IRF7: variants seen among roughly 807,000 people sequenced by gnomAD.
IRF7 encodes the protein interferon regulatory factor-7H.
In IRF7, 67 loss-of-function variants were observed where a neutral mutation model predicts 51.3. The observed-to-expected ratio is 1.31, with a 90% CI of 1.07 to 1.60. IRF7 has a LOEUF of 1.60. IRF7 is among the 40% of genes most tolerant of loss of function. IRF7 has a pLI of 0.00. For missense variants in IRF7, 873 were observed against 701.5 expected, an observed-to-expected ratio of 1.24 and a Z score of -2.76; for synonymous variants, 427 against 301.3, an observed-to-expected ratio of 1.42 and a Z score of -4.32.
Position 614,234 on chromosome 11 carries a change from G to A in IRF7, c.619C>T (p.Pro207Ser). 1.9e-6 allele frequency: 3 copies of A among 1,612,996 alleles called. No individual in the cohort carries two copies. Among genetic ancestry groups the A allele is most frequent in the Non-Finnish European group, 2.5e-6 (3 of 1,179,922 alleles). ...LTASWGADPV[P>S]TKAPGEGQEG... Reference sequence around the variant, plus strand: ...TGTCCCTCTCCAGGAGCCTTGGTTGGGACTGGATCTGCCCCCCATGACGCT... The same window carrying A: ...TGTCCCTCTCCAGGAGCCTTGGTTGAGACTGGATCTGCCCCCCATGACGCT... The change falls in exon 6 of 11, where the codon CCA becomes TCA. Residue 207 changes from proline to serine, a missense_variant. Pro to Ser is a moderately conservative substitution (Grantham distance 74, BLOSUM62 -1). Coordinates refer to ENST00000525445, the MANE Select transcript of IRF7 (RefSeq NM_001572.5).
Position 613,805 on chromosome 11 carries a change from C to A in IRF7, c.827G>T (p.Ser276Ile). Residue 276 changes from serine (S) to isoleucine (I), a missense_variant, in exon 8 of 11, where the codon AGC (serine) becomes ATC (isoleucine). By Grantham distance (142) the Ser-to-Ile change is moderately radical (BLOSUM62 -2). Transcript: ENST00000525445. ...CTCACCTTGCACCGCGGTGCAGGCGCTTGGGGAGGGTGACAGGTACGGCTC... is the reference window on the plus strand; with the variant it reads ...CTCACCTTGCACCGCGGTGCAGGCGATTGGGGAGGGTGACAGGTACGGCTC... ...QAEPYLSPSP[S>I]ACTAVQEPSP... 1.3e-6 allele frequency: 2 copies of A among 1,574,286 alleles called. No homozygotes were observed. The highest frequency in any genetic ancestry group is 1.7e-6 in the Non-Finnish European group (2 of 1,168,010).
chr11:614,984 C>G lies in IRF7; in HGVS notation c.207G>C (p.Arg69Ser). 1.3e-6 allele frequency: 2 copies of G among 1,547,478 alleles called. No individual in the cohort carries two copies. Among genetic ancestry groups the G allele is most frequent in the Non-Finnish European group, 1.7e-6 (2 of 1,151,856 alleles). The change falls in exon 4 of 11, where the codon AGG becomes AGC. Residue 69 changes from arginine (R) to serine (S), a missense_variant. Arg to Ser is a moderately radical substitution (Grantham distance 110, BLOSUM62 -1). Coordinates refer to ENST00000525445, the MANE Select transcript of IRF7 (RefSeq NM_001572.5). ...IFKAWAVARG[R>S]WPPSSRGGGP... is the part of the protein sequence containing the mutation. The stretch of plus-strand genomic sequence containing the variant: ...CACCTCCCCTGCTGCTAGGCGGCCA[C>G]CTGCCGCGGGCCACAGCCCAGGCCT...
rs1053384001 is a variant in IRF7 at position 615,441 on chromosome 11, G to A, written c.-77C>T. 28 of 1,426,640 alleles carry A rather than the reference G, an allele frequency of 2.0e-5. No individual in the cohort carries two copies. The highest frequency in any genetic ancestry group is 1.6e-4 in the African/African-American group (11 of 69,544). 88.4% of individuals were successfully genotyped at this position (1,426,640 alleles called of 1,614,324 possible). On this transcript the variant is annotated 5_prime_UTR_variant, in exon 2 of 11. Coordinates refer to ENST00000525445, the MANE Select transcript of IRF7 (RefSeq NM_001572.5). ...GGTAAGGGCTCCTGTCGCAGCAGAC[G>A]CCAGGCCGCGGCCACAGGTCGTGTG... is the stretch of plus-strand genomic sequence containing the variant.
Position 615,621 on chromosome 11 carries a change from G to C in IRF7, c.-257C>G. The C allele has an allele frequency of 2.3e-6, 1 of 429,528 alleles. No homozygotes were observed. The highest frequency in any genetic ancestry group is 4.1e-6 in the Non-Finnish European group (1 of 244,350). The allele number at this position is 429,528 out of a possible 1,614,324, so 26.6% of individuals were successfully genotyped here. A position where few individuals can be genotyped will look rare whatever the true frequency, so the allele number is the denominator to read the frequency against. On this transcript the variant is annotated 5_prime_UTR_variant, in exon 2 of 11. Coordinates refer to ENST00000525445, the MANE Select transcript of IRF7 (RefSeq NM_001572.5). ...TCACAGGTGTTGAACCAGTGTCCAGGCCTGGCGGGAAGGCGCAGGCCGGAC... is the reference window on the plus strand; with the variant it reads ...TCACAGGTGTTGAACCAGTGTCCAGCCCTGGCGGGAAGGCGCAGGCCGGAC...
rs762132411 is a variant in IRF7, at chr11:612,757, C to A, written c.1400G>T (p.Arg467Leu). Residue 467 changes from arginine to leucine, a missense_variant, in exon 11 of 11, where the codon CGT (arginine) becomes CTT (leucine). Coordinates refer to ENST00000525445, the MANE Select transcript of IRF7 (RefSeq NM_001572.5). ...GCTATCCAGGGAAGACACACCCTCA[C>A]GCTGCGTGCCCTCTAGGTGCACTCG... ...LCRVHLEGTQ[R>L]EGVSSLDSSS... is the part of the protein sequence containing the mutation. 38 of 1,612,268 alleles carry A rather than the reference C, an allele frequency of 2.4e-5. No individual in the cohort carries two copies. Among genetic ancestry groups the A allele is most frequent in the Middle Eastern group, 1.7e-4 (1 of 6,040 alleles).
Position 615,364 on chromosome 11 carries a change from T to TA in IRF7, c.-1_1insT. On this transcript the variant is annotated 5_prime_UTR_variant, in exon 2 of 11. Coordinates refer to ENST00000525445, the MANE Select transcript of IRF7 (RefSeq NM_001572.5). ...TCTTACCTCTCAGGAGCCAAGGCCA[T>TA]TGCTCCTTCTGCAGGGGCAGTTAGG... The TA allele has an allele frequency of 2.7e-6, 4 of 1,506,782 alleles. No individual in the cohort carries two copies. Among genetic ancestry groups the TA allele is most frequent in the Non-Finnish European group, 3.5e-6 (4 of 1,133,180 alleles). 93.3% of individuals were successfully genotyped at this position (1,506,782 alleles called of 1,614,324 possible).
rs747429730 is a variant in IRF7 at position 613,779 on chromosome 11, A to G, written c.847+6T>C. 1.2e-5 allele frequency: 19 copies of G among 1,544,246 alleles called. No homozygotes were observed. The highest frequency in any genetic ancestry group is 1.6e-5 in the Non-Finnish European group (19 of 1,155,274). On this transcript the variant is annotated splice_donor_region_variant and intron_variant, in intron 8 of 10. Coordinates refer to ENST00000525445, the MANE Select transcript of IRF7 (RefSeq NM_001572.5). Reference sequence around the variant, plus strand: ...GACAGGCTGCCCCTTCCTGGGATGCACTCACCTTGCACCGCGGTGCAGGCG... The same window carrying G: ...GACAGGCTGCCCCTTCCTGGGATGCGCTCACCTTGCACCGCGGTGCAGGCG...
In IRF7 at chr11:614,956, G is replaced by T; in HGVS notation, c.235C>A (p.Pro79Thr). The change falls in exon 4 of 11, where the codon CCG (proline) becomes ACG (threonine). Residue 79 changes from proline to threonine, a missense_variant. Coordinates refer to ENST00000525445, the MANE Select transcript of IRF7 (RefSeq NM_001572.5). ...RWPPSSRGGG[P>T]PPEAETAERA... is the part of the protein sequence containing the mutation. ...TCCGCAGTCTCAGCCTCGGGGGGCG[G>T]GCCACCTCCCCTGCTGCTAGGCGGC... is the stretch of plus-strand genomic sequence containing the variant. 1 of 1,564,492 alleles carries T rather than the reference G, an allele frequency of 6.4e-7. No individual in the cohort carries two copies. Among genetic ancestry groups the T allele is most frequent in the African/African-American group, 1.4e-5 (1 of 74,006 alleles).
chr11:613,981 G>A lies in IRF7; in HGVS notation c.736C>T (p.Pro246Ser). ...GTTAGTGCCGCGGGCTGGGGCCCGGGGCTGGGGGTCGTCTCTACTGCCCAC... is the reference window on the plus strand; with the variant it reads ...GTTAGTGCCGCGGGCTGGGGCCCGGAGCTGGGGGTCGTCTCTACTGCCCAC... ...YGWAVETTPS[P>S]GPQPAALTTG... Residue 246 changes from proline (P) to serine (S), a missense_variant, in exon 7 of 11, where the codon CCC (proline) becomes TCC (serine). Physicochemically the swap from Pro to Ser is moderately conservative, Grantham distance 74. Coordinates refer to ENST00000525445, the MANE Select transcript of IRF7 (RefSeq NM_001572.5). The A allele has an allele frequency of 6.2e-7, 1 of 1,607,886 alleles. No homozygotes were observed. Among genetic ancestry groups the A allele is most frequent in the Non-Finnish European group, 8.5e-7 (1 of 1,178,316 alleles).
chr11:615,157 G>A lies in IRF7; in HGVS notation c.123C>T (p.Arg41=), dbSNP rs1302543486. 1.2e-6 allele frequency: 2 copies of A among 1,604,096 alleles called. No individual in the cohort carries two copies. The highest frequency in any genetic ancestry group is 8.5e-7 in the Non-Finnish European group (1 of 1,179,180). ...TGCGCGCGAAGTGCTTCCAGGGCAC[G>A]CGGAAACAGGTGCGGGCCTCGTCCA... ...QWLDEARTCF[R]VPWKHFARKD... Residue 41 remains arginine (R), a synonymous_variant, in exon 3 of 11, where the codon CGC becomes CGT. Transcript: ENST00000525445.
In IRF7 at chr11:613,302, C is replaced by A. The variant is rs368953784; in HGVS notation, c.1141G>T (p.Gly381Cys). The A allele has an allele frequency of 7.4e-6, 12 of 1,610,952 alleles. No individual in the cohort carries two copies. The highest frequency in any genetic ancestry group is 1.6e-4 in the Middle Eastern group (1 of 6,074). ...MGKCKVYWEV[G>C]GPPGSASPST... is the part of the protein sequence containing the mutation. Reference sequence around the variant, plus strand: ...GGGCTGGCGGAGCCTGGGGGTCCGCCCACCTCCCAGTACACCTTGCACTTG... The same window carrying A: ...GGGCTGGCGGAGCCTGGGGGTCCGCACACCTCCCAGTACACCTTGCACTTG... Residue 381 changes from glycine (G) to cysteine (C), a missense_variant, in exon 9 of 11, where the codon GGC (glycine) becomes TGC (cysteine). Physicochemically the swap from Gly to Cys is radical, Grantham distance 159. Transcript: ENST00000525445.
chr11:614,075 C>G (rs1370617790), intron 6 of IRF7, 38 bp from the exon 7 acceptor site: 1 of 1,587,604 alleles, frequency 6.3e-7, no homozygotes, highest in Non-Finnish European at 8.6e-7. Context: ...TGGTCCCCTC[C>G]TAATTCTCCA....
rs534432186 is a variant in IRF7, at chr11:612,878, G to A, written c.1357-78C>T. ...CCCCTCCCCAGGCTCTGAGGGCGTC[G>A]GGCGTCTGTCAGTGACCCGGTGTAT... On this transcript the variant is annotated intron_variant, in intron 10 of 10. Coordinates refer to ENST00000525445, the MANE Select transcript of IRF7 (RefSeq NM_001572.5). The A allele has an allele frequency of 1.0e-4, 161 of 1,589,478 alleles. 1 individual carries two copies. Among genetic ancestry groups the A allele is most frequent in the South Asian group, 9.0e-4 (81 of 89,908 alleles).
chr11:615,257 G>A lies in IRF7; in HGVS notation c.23C>T (p.Ala8Val). 2.5e-6 allele frequency: 4 copies of A among 1,579,968 alleles called. No homozygotes were observed. The highest frequency in any genetic ancestry group is 3.4e-6 in the Non-Finnish European group (4 of 1,167,678). The change falls in exon 3 of 11, where the codon GCA (alanine) becomes GTA (valine). Residue 8 changes from alanine to valine, a missense_variant and splice_region_variant. By Grantham distance (64) the Ala-to-Val change is moderately conservative. Coordinates refer to ENST00000525445, the MANE Select transcript of IRF7 (RefSeq NM_001572.5). MALAPER[A>V]APRVLFGEWL... The stretch of plus-strand genomic sequence containing the variant: ...CTCTCCGAACAGCACGCGTGGGGCT[G>A]CCCTGCGGGTGCCCGGCCGCGGAGA...
chr11:612,943 G>A, intron 10 of IRF7, 56 bp downstream of exon 10: 1 of 1,593,770 alleles, frequency 6.3e-7, no homozygotes, highest in Non-Finnish European at 8.6e-7. Flanking sequence ...AGGGCATCAG[G>A]CGTCTGTCAG....
intron 1 of IRF7, 123 bp from the exon 2 acceptor site, chr11:615,770 C>G (rs946001333): frequency 9.3e-6 from 2 of 215,046 alleles, no homozygotes. Context: ...CGCGGAACCC[C>G]GCCTCCGCCT....
chr11:613,770 C>G lies in IRF7; in HGVS notation c.847+15G>C. ...GTGGGCGGGGACAGGCTGCCCCTTCCTGGGATGCACTCACCTTGCACCGCG... is the reference window on the plus strand; with the variant it reads ...GTGGGCGGGGACAGGCTGCCCCTTCGTGGGATGCACTCACCTTGCACCGCG... On this transcript the variant is annotated intron_variant, in intron 8 of 10. Coordinates refer to ENST00000525445, the MANE Select transcript of IRF7 (RefSeq NM_001572.5). 1 of 1,527,266 alleles carries G rather than the reference C, an allele frequency of 6.5e-7. No homozygotes were observed. 94.6% of individuals were successfully genotyped at this position (1,527,266 alleles called of 1,614,324 possible).
intron 4 of IRF7, 43 bp from the exon 5 acceptor site, chr11:614,577 G>T: frequency 6.5e-7 from 1 of 1,546,716 alleles, no homozygotes; most frequent in Non-Finnish European, 8.7e-7. Context: ...ACACCAGAGT[G>T]AGAGATACAA....
At chr11:613,691 GCGGGGA>G (rs1856600260) in intron 8 of IRF7, 88 bp downstream of exon 8, 1 of 830,272 alleles carries the variant, frequency 1.2e-6, no homozygotes, top group Non-Finnish European at 1.6e-6. Context: ...ACGGGGGTGG[GCGGGGA>G]CAGGATGTGA....
Sources: gnomAD v4.1 joint callset for allele counts on GRCh38, gnomAD v4.1.1 for gene constraint, MANE v1.5 for transcripts, NCBI Gene and HGNC (gene_info 2026-07-23, HGNC 2026-07-21) for gene names.